Variants in DDX60L observed in about 807,000 individuals in gnomAD.
DDX60L encodes the protein DExD/H-box 60 like.
DDX60L carries 191 observed loss-of-function variants against 211.6 expected under a neutral mutation model. The ratio of observed to expected loss-of-function variants is 0.90; its 90% CI spans 0.80 to 1.02. DDX60L has a LOEUF of 1.02. Among genes scored for constraint, DDX60L ranks in the 50% least tolerant of loss-of-function variants. The pLI is 0.00. For missense variants in DDX60L, 2,007 were observed against 1,984.1 expected (o/e 1.01, Z -0.22); for synonymous variants, 706 against 694.1 (o/e 1.02, Z -0.27).
At chr4:168,455,270 C>CTT (rs1756384705) in intron 7 of DDX60L, among the ~76,000 whole-genome samples, 1 of 46,794 alleles carries the variant, frequency 2.1e-5, no homozygotes, top group African/African-American at 1.2e-4. Flanking sequence ...TGCATACAAA[C>CTT]TTTGTGTGTG....
intron 16 of DDX60L, among the ~76,000 whole-genome samples, chr4:168,422,202 G>A (rs906785466): frequency 6.6e-6 from 1 of 152,188 alleles, no homozygotes; most frequent in African/African-American, 2.4e-5. Context: ...TTTTCCATTA[G>A]AAAACACTTT....
chr4:168,455,123 C>T (rs1756354243), intron 7 of DDX60L, among the ~76,000 whole-genome samples: 1 of 151,792 alleles, frequency 6.6e-6, no homozygotes, highest in Non-Finnish European at 1.5e-5. Flanking sequence ...CAATTTTCTC[C>T]TATAGAATAC....
intron 8 of DDX60L, among the ~76,000 whole-genome samples, chr4:168,452,281 T>C (rs886952297): frequency 6.6e-6 from 1 of 152,204 alleles, no homozygotes; most frequent in African/African-American, 2.4e-5. Context: ...TCTTTTCCCA[T>C]TTCAGAAAAT....
Position 168,386,784 on chromosome 4 carries a change from C to T in DDX60L, c.3916-1972G>A, listed in dbSNP as rs943157490. ...TACGTGGTAGACAACCCATGCGAAACAATGACAGCAGAGAAGAAAAAAGCA... is the reference window on the plus strand; with the variant it reads ...TACGTGGTAGACAACCCATGCGAAATAATGACAGCAGAGAAGAAAAAAGCA... On this transcript the variant is annotated intron_variant, in intron 29 of 37. Coordinates refer to ENST00000682922, the MANE Select transcript of DDX60L (RefSeq NM_001012967.3). Among the ~76,000 whole-genome samples, 3 of 151,650 alleles carry T rather than the reference C, an allele frequency of 2.0e-5. No individual in the cohort carries two copies. The East Asian group carries it at 5.8e-4, about 29-fold the overall frequency.
chr4:168,425,355 G>A (rs150203775), intron 14 of DDX60L, among the ~76,000 whole-genome samples: 40 of 152,306 alleles, frequency 2.6e-4, no homozygotes, highest in African/African-American at 8.7e-4. Flanking sequence ...AGACATGAGC[G>A]TGACTACAGA....
At chr4:168,410,211 C>T (rs1748448118) in intron 22 of DDX60L, among the ~76,000 whole-genome samples, 1 of 151,948 alleles carries the variant, frequency 6.6e-6, no homozygotes, top group Admixed American at 6.6e-5. Flanking sequence ...TAATAAGTTA[C>T]ATATTATCAG....
chr4:168,464,539 A>T (rs564328486), intron 4 of DDX60L, among the ~76,000 whole-genome samples: 1 of 150,640 alleles, frequency 6.6e-6, no homozygotes, highest in South Asian at 2.1e-4. Context: ...CAGCCTCTCA[A>T]AGTGTTGTTA....
chr4:168,400,110 T>G (rs1413737583), intron 26 of DDX60L, among the ~76,000 whole-genome samples: 1 of 152,164 alleles, frequency 6.6e-6, no homozygotes, highest in Non-Finnish European at 1.5e-5. Flanking sequence ...AGTGAGAACA[T>G]GTAGTATTTG....
intron 19 of DDX60L, among the ~76,000 whole-genome samples, chr4:168,417,499 T>C (rs2149850430): frequency 6.6e-6 from 1 of 152,314 alleles, no homozygotes; most frequent in Middle Eastern, 3.4e-3. Flanking sequence ...CAGAAACACC[T>C]TCCCTGAGTA....
intron 10 of DDX60L, among the ~76,000 whole-genome samples, chr4:168,440,587 T>C (rs1312666401): frequency 1.3e-5 from 2 of 152,168 alleles, no homozygotes; most frequent in African/African-American, 2.4e-5. Flanking sequence ...ATGTCCTCTC[T>C]GGAAAACCTT....
chr4:168,428,635 G>A lies in DDX60L; in HGVS notation c.1678-1313C>T, dbSNP rs1047603036. 5.3e-5 allele frequency among the ~76,000 whole-genome samples: 8 copies of A among 152,214 alleles called. No individual in the cohort carries two copies. In the East Asian group the frequency reaches 1.4e-3, roughly 26 times the overall value. On this transcript the variant is annotated intron_variant, in intron 13 of 37. Coordinates refer to ENST00000682922, the MANE Select transcript of DDX60L (RefSeq NM_001012967.3). ...TGGTTTGTGCTCTTTCACGTATTTA[G>A]CATGGTTGACCTCAGGAAGGGGATT...
chr4:168,388,524 T>C (rs1203925729), intron 29 of DDX60L, among the ~76,000 whole-genome samples: 1 of 152,258 alleles, frequency 6.6e-6, no homozygotes, highest in African/African-American at 2.4e-5. Context: ...TTCTGAGTGG[T>C]GTACATTTTT....
rs1738429674 is a variant in DDX60L, at chr4:168,358,084, A to G, written c.*63T>C. ...TTTTCCATTTCATTGTGTAAGCTTA[A>G]TTATATCTCTCCTTGCAAAGGGATA... On this transcript the variant is annotated 3_prime_UTR_variant, in exon 38 of 38. Transcript: ENST00000682922. 4.1e-6 allele frequency: 6 copies of G among 1,453,406 alleles called. No individual in the cohort carries two copies. In the Admixed American group the frequency reaches 1.2e-4, roughly 29 times the overall value. The allele number at this position is 1,453,406 out of a possible 1,614,324, so 90.0% of individuals were successfully genotyped here.
chr4:168,402,777 T>A (rs1747061409), intron 25 of DDX60L, among the ~76,000 whole-genome samples: 1 of 152,174 alleles, frequency 6.6e-6, no homozygotes, highest in Non-Finnish European at 1.5e-5. Context: ...AAACCAACTG[T>A]CATAGAGTTC....
chr4:168,475,503 A>G (rs1002667224), intron 1 of DDX60L, among the ~76,000 whole-genome samples: 4 of 152,218 alleles, frequency 2.6e-5, no homozygotes, highest in African/African-American at 9.6e-5. Context: ...CAATGTATAG[A>G]TAAATAACAA....
Position 168,430,593 on chromosome 4 carries a change from T to C in DDX60L, c.1562A>G (p.Gln521Arg), listed in dbSNP as rs766622410. The part of the protein sequence containing the change: ...PHVLDFLKKI[Q>R]DYQQFYGKSL... ...TTTCCCATAAAATTGCTGATAATCC[T>C]GAATCTTTTTCAGGAAATCAAGAAC... The change falls in exon 13 of 38, where the codon CAG becomes CGG. Residue 521 changes from glutamine to arginine, a missense_variant. Transcript: ENST00000682922. 6 of 1,588,276 alleles carry C rather than the reference T, an allele frequency of 3.8e-6. No homozygotes were observed. Among genetic ancestry groups the C allele is most frequent in the Admixed American group, 1.8e-5 (1 of 55,616 alleles).
chr4:168,420,928 G>A (rs1166292598), intron 17 of DDX60L, among the ~76,000 whole-genome samples: 4 of 152,044 alleles, frequency 2.6e-5, no homozygotes, highest in African/African-American at 9.7e-5. Flanking sequence ...CAGCCCCTAG[G>A]ATTCCCCTTC....
chr4:168,380,776 A>G (rs1192343596), intron 30 of DDX60L: 2 of 152,210 alleles, frequency 1.3e-5, no homozygotes, highest in Non-Finnish European at 2.9e-5. Flanking sequence ...AGACAGGAAG[A>G]TGAGGGAAAG....
chr4:168,467,281 C>G (rs35667748), intron 4 of DDX60L, among the ~76,000 whole-genome samples: 4 of 151,658 alleles, frequency 2.6e-5, no homozygotes, highest in African/African-American at 9.7e-5. Context: ...TGCTGCCACA[C>G]GCCTGTAGTC....
Sources: gnomAD v4.1 joint callset for allele counts (sites outside exome capture counted in the v4.1 genomes callset) on GRCh38, gnomAD v4.1.1 for gene constraint, MANE v1.5 for transcripts, NCBI Gene and HGNC (gene_info 2026-07-23, HGNC 2026-07-21) for gene names.